The following AKAP13 variants were observed in gnomAD, a reference collection of about 807,000 sequenced individuals.
AKAP13 encodes the protein A-kinase anchoring protein 13.
In AKAP13, 80 loss-of-function variants were observed where a neutral mutation model predicts 264.5. The observed-to-expected ratio is 0.30, with a 90% CI of 0.25 to 0.36. AKAP13 has a LOEUF of 0.36. Among genes scored for constraint, AKAP13 ranks in the 10% least tolerant of loss-of-function variants. AKAP13 has a pLI of 1.00. For synonymous variants in AKAP13, 1,380 were observed against 1,250.2 expected, an observed-to-expected ratio of 1.10 and a Z score of -2.19; for missense variants, 3,712 against 3,435.2, an observed-to-expected ratio of 1.08 and a Z score of -2.01.
At chr15:85,551,104 A>G (rs1160462118) in intron 5 of AKAP13, among the ~76,000 whole-genome samples, 2 of 152,146 alleles carry the variant, frequency 1.3e-5, no homozygotes, top group African/African-American at 4.8e-5. Flanking sequence ...CATGTTTGGT[A>G]GCATTTTCAG....
intron 1 of AKAP13, among the ~76,000 whole-genome samples, chr15:85,421,911 C>A (rs2072541607): frequency 1.3e-5 from 2 of 152,348 alleles, no homozygotes; most frequent in East Asian, 1.9e-4. Context: ...ACCATTCGTG[C>A]TCCATAAGGG....
chr15:85,400,701 A>G (rs543239150), intron 1 of AKAP13, among the ~76,000 whole-genome samples: 1 of 152,184 alleles, frequency 6.6e-6, no homozygotes, highest in Non-Finnish European at 1.5e-5. Flanking sequence ...GTTGTAAGTC[A>G]GGTAGCTGTG....
chr15:85,447,128 G>T (rs62022075), intron 1 of AKAP13, among the ~76,000 whole-genome samples: 120 of 152,080 alleles, frequency 7.9e-4, no homozygotes, highest in African/African-American at 2.6e-3. Flanking sequence ...TTAGCTGGGC[G>T]TGGTGGTGCG....
At chr15:85,451,489 G>T (rs949058704) in intron 1 of AKAP13, among the ~76,000 whole-genome samples, 2 of 152,146 alleles carry the variant, frequency 1.3e-5, no homozygotes, top group African/African-American at 4.8e-5. Context: ...GTTTAAGTGT[G>T]TTTTTGTATT....
At chr15:85,682,950 A>AGCCACCGCACCTGGTCACG (rs6145666) in intron 15 of AKAP13, among the ~76,000 whole-genome samples, 20 of 152,196 alleles carry the variant, frequency 1.3e-4, no homozygotes, top group Admixed American at 2.0e-4. Context: ...TACAGGCGTG[A>AGCCACCGCACCTGGTCACG]AATTGATTCT....
At chr15:85,456,518 A>G (rs1274097899) in intron 1 of AKAP13, among the ~76,000 whole-genome samples, 1 of 150,910 alleles carries the variant, frequency 6.6e-6, no homozygotes, top group African/African-American at 2.4e-5. Flanking sequence ...GGGCTACCCC[A>G]AAGGCAGTGT....
At chr15:85,667,262 T>C (rs1315174630) in intron 13 of AKAP13, among the ~76,000 whole-genome samples, 1 of 152,240 alleles carries the variant, frequency 6.6e-6, no homozygotes, top group Non-Finnish European at 1.5e-5. Flanking sequence ...CACTTATGCT[T>C]GTGTGAGACC....
intron 1 of AKAP13, among the ~76,000 whole-genome samples, chr15:85,467,584 A>AC (rs1354019365): frequency 1.3e-5 from 2 of 152,074 alleles, no homozygotes; most frequent in Non-Finnish European, 2.9e-5. Flanking sequence ...AGCCTTCCTG[A>AC]CCATCCTTTC....
intron 2 of AKAP13, among the ~76,000 whole-genome samples, chr15:85,494,471 T>C (rs143218704): frequency 2.6e-5 from 4 of 152,344 alleles, no homozygotes; most frequent in South Asian, 4.1e-4. Flanking sequence ...AATCCCATAC[T>C]TGATATGCCA....
In AKAP13 at chr15:85,581,873, C is replaced by G; in HGVS notation, c.3805C>G (p.Leu1269Val). 6.2e-7 allele frequency: 1 copy of G among 1,614,186 alleles called. No individual in the cohort carries two copies. The highest frequency in any genetic ancestry group is 8.5e-7 in the Non-Finnish European group (1 of 1,179,994). The change falls in exon 7 of 37, where the codon CTG (leucine) becomes GTG (valine). Residue 1269 changes from leucine (L) to valine (V), a missense_variant. Leu to Val is a conservative substitution (Grantham distance 32, BLOSUM62 1). Coordinates refer to ENST00000394518, the MANE Select transcript of AKAP13 (RefSeq NM_007200.5). Reference sequence around the variant, plus strand: ...CGAACAAGTCAAGGCCGCTGGAGCACTGCTTACTGAGGGGGAGGCCTGTCA... The same window carrying G: ...CGAACAAGTCAAGGCCGCTGGAGCAGTGCTTACTGAGGGGGAGGCCTGTCA... Reference protein sequence around the residue: ...VIEQVKAAGALLTEGEACHMS... With the variant: ...VIEQVKAAGAVLTEGEACHMS...
rs1567164458 is a variant in AKAP13, at chr15:85,630,198, CACACACACACATCATGAACTAAGATGGA to C, written c.4162-9174_4162-9147del. Among the ~76,000 whole-genome samples, 57 of 88,310 alleles carry C rather than the reference CACACACACACATCATGAACTAAGATGGA, an allele frequency of 6.5e-4. 2 individuals are homozygous for C. The highest frequency in any genetic ancestry group is 7.5e-3 in the Middle Eastern group (1 of 134). 57.9% of individuals were successfully genotyped at this position (88,310 alleles called of 152,430 possible). On this transcript the variant is annotated intron_variant, in intron 8 of 36. Coordinates refer to ENST00000394518, the MANE Select transcript of AKAP13 (RefSeq NM_007200.5). The stretch of plus-strand genomic sequence containing the variant: ...ACACACACACACACACACACACACA[CACACACACACATCATGAACTAAGATGGA>C]AAATTGTAACACACACACACACACA...
In AKAP13 at chr15:85,653,395, C is replaced by T. The variant is rs560647254; in HGVS notation, c.4375-2022C>T. Reference sequence around the variant, plus strand: ...TGGAAAATCTGGACCTCAGTTTGACCTGTCCAGTGATCCCCTTGCATCTTT... The same window carrying T: ...TGGAAAATCTGGACCTCAGTTTGACTTGTCCAGTGATCCCCTTGCATCTTT... On this transcript the variant is annotated intron_variant, in intron 10 of 36. Coordinates refer to ENST00000394518, the MANE Select transcript of AKAP13 (RefSeq NM_007200.5). 2.0e-5 allele frequency among the ~76,000 whole-genome samples: 3 copies of T among 152,316 alleles called. No homozygotes were observed. The South Asian group carries it at 6.2e-4, about 32-fold the overall frequency.
At chr15:85,608,164 TC>T (rs2080437922) in intron 8 of AKAP13, among the ~76,000 whole-genome samples, 2 of 152,114 alleles carry the variant, frequency 1.3e-5, no homozygotes, top group Non-Finnish European at 2.9e-5. Context: ...AAATAAGAAG[TC>T]AAGTAATTTC....
At chr15:85,729,942 G>A (rs1404685706) in intron 29 of AKAP13, among the ~76,000 whole-genome samples, 3 of 151,032 alleles carry the variant, frequency 2.0e-5, no homozygotes, top group African/African-American at 4.9e-5. Context: ...GAAACTTTCC[G>A]TCTCAAAAAA....
chr15:85,587,144 C>T (rs1325975593), intron 8 of AKAP13, among the ~76,000 whole-genome samples: 1 of 152,182 alleles, frequency 6.6e-6, no homozygotes, highest in Non-Finnish European at 1.5e-5. Context: ...ACCCCAGACC[C>T]ATTAGCAGTG....
chr15:85,545,253 T>A (rs1306035199), intron 5 of AKAP13, among the ~76,000 whole-genome samples: 1 of 152,252 alleles, frequency 6.6e-6, no homozygotes, highest in Non-Finnish European at 1.5e-5. Flanking sequence ...GAGGCCTTGT[T>A]TCAGAAGTTG....
In AKAP13 at chr15:85,535,613, C is replaced by G. The variant is rs572531584; in HGVS notation, c.478+1733C>G. ...AGGAATGTTTATTCTGGCTGCCTTT[C>G]ACAAATCAGTGTCAAGATAGTACTG... is the stretch of plus-strand genomic sequence containing the variant. On this transcript the variant is annotated intron_variant, in intron 4 of 36. Transcript: ENST00000394518. 16 of 152,272 alleles carry G rather than the reference C, an allele frequency of 1.1e-4. No homozygotes were observed. In the South Asian group the frequency reaches 3.3e-3, roughly 32 times the overall value. 9.4% of individuals were successfully genotyped at this position (152,272 alleles called of 1,614,324 possible). A position where few individuals can be genotyped will look rare whatever the true frequency, so the allele number is the denominator to read the frequency against.
intron 1 of AKAP13, among the ~76,000 whole-genome samples, chr15:85,385,002 T>C (rs1352009411): frequency 6.6e-6 from 1 of 152,168 alleles, no homozygotes; most frequent in African/African-American, 2.4e-5. Context: ...ATATGGGTGC[T>C]AGTATGGGAG....
At chr15:85,490,498 G>C (rs2075692032) in intron 2 of AKAP13, among the ~76,000 whole-genome samples, 1 of 152,256 alleles carries the variant, frequency 6.6e-6, no homozygotes, top group South Asian at 2.1e-4. Context: ...CCATGTGACT[G>C]TAAGAATAGA....
Sources: allele counts gnomAD v4.1 joint callset (sites outside exome capture counted in the v4.1 genomes callset), GRCh38; gene constraint gnomAD v4.1.1; transcripts MANE v1.5; gene names NCBI Gene and HGNC (gene_info 2026-07-23, HGNC 2026-07-21).